The following MYO1H variants were observed in gnomAD, a reference collection of about 807,000 sequenced individuals.
MYO1H encodes myosin IH.
In MYO1H, 118 loss-of-function variants were observed where a neutral mutation model predicts 149.3. The ratio of observed to expected loss-of-function variants is 0.79; its 90% confidence interval spans 0.68 to 0.92. MYO1H has a LOEUF of 0.92. Ranked by LOEUF, MYO1H falls within the 40% of genes least tolerant of loss-of-function variation. The pLI, the probability that MYO1H is intolerant of heterozygous loss-of-function variation, is 0.00. For synonymous variants in MYO1H, 447 were observed against 465.2 expected (o/e 0.96, Z 0.50); for missense variants, 1,212 against 1,280.7 (o/e 0.95, Z 0.82).
At chr12:109,445,708 T>G in intron 31 of MYO1H, 96 bp downstream of exon 31, 1 of 1,476,568 alleles carries the variant, frequency 6.8e-7, no homozygotes. Flanking sequence ...ACTGGAATCA[T>G]AAGCTATTAA....
In MYO1H at chr12:109,349,749, A is replaced by G. The variant is rs927223784; in HGVS notation, c.12+1777A>G. On this transcript the variant is annotated intron_variant, in intron 1 of 31. Coordinates refer to ENST00000310903, the Ensembl canonical transcript of MYO1H. ...GCCGAGGCAGGCAGATCACGAGGTC[A>G]GGAGATCGAGACCATCCTGGCTAAC... is the stretch of plus-strand genomic sequence containing the variant. Among the ~76,000 whole-genome samples, 40 of 151,466 alleles carry G rather than the reference A, an allele frequency of 2.6e-4. No individual in the cohort carries two copies. The East Asian group carries it at 7.4e-3, about 28-fold the overall frequency.
chr12:109,432,901 A>T lies in MYO1H; in HGVS notation c.1954A>T (p.Lys652Ter). 6.2e-7 allele frequency: 1 copy of T among 1,613,910 alleles called. No individual in the cohort carries two copies. The highest frequency in any genetic ancestry group is 8.5e-7 in the Non-Finnish European group (1 of 1,179,788). ...CATGTCCATCTCCTCTCCTAGGTACAAGTCCTTATGCCCAGACACCTGGCC... is the reference window on the plus strand; with the variant it reads ...CATGTCCATCTCCTCTCCTAGGTACTAGTCCTTATGCCCAGACACCTGGCC... Residue 652 changes from lysine (K) to a stop codon, truncating the protein, a stop_gained, in exon 20 of 32, where the codon AAG (lysine) becomes TAG (stop). Transcript: ENST00000310903. LOFTEE classifies it high-confidence loss of function.
chr12:109,377,979 C>T (rs76924679), intron 1 of MYO1H, among the ~76,000 whole-genome samples: 1 of 152,278 alleles, frequency 6.6e-6, no homozygotes, highest in South Asian at 2.1e-4. Context: ...GTATTTATTT[C>T]TAAGTGATAC....
chr12:109,314,658 A>G, the MYO1H span, among the ~76,000 whole-genome samples: 2 of 152,152 alleles, frequency 1.3e-5, no homozygotes, highest in Non-Finnish European at 2.9e-5. Flanking sequence ...TCTCTCAAAA[A>G]GGAATACCAC....
intron 17 of MYO1H, among the ~76,000 whole-genome samples, chr12:109,425,539 T>C (rs1871322636): frequency 6.6e-6 from 1 of 152,074 alleles, no homozygotes; most frequent in Admixed American, 6.6e-5. Flanking sequence ...ACTTACAATC[T>C]AGTGGGAGAG....
At chr12:109,409,560 T>G (rs1200432117) in exon 11 of MYO1H, 1 of 1,613,534 alleles carries the variant, frequency 6.2e-7, no homozygotes, top group Non-Finnish European at 8.5e-7. Flanking sequence ...TGACCAGGAT[T>G]TCACCAGGAA....
At chr12:109,424,814 A>C in exon 17 of MYO1H, 1 of 1,613,860 alleles carries the variant, frequency 6.2e-7, no homozygotes, top group Non-Finnish European at 8.5e-7. Context: ...AGAAAACCGG[A>C]GGAGGCCCCC....
rs756536653 is a variant in MYO1H at position 109,410,789 on chromosome 12, A to C, written c.1410+21A>C. ...TTCTGGTGAGAAAAATGAATGTTGC[A>C]TTAGAGCTATTCACCCGGCACTTAC... On this transcript the variant is annotated intron_variant, in intron 13 of 31. Coordinates refer to ENST00000310903, the Ensembl canonical transcript of MYO1H. The C allele has an allele frequency of 3.5e-6, 5 of 1,431,516 alleles. No individual in the cohort carries two copies. The East Asian group carries it at 1.1e-4, about 33-fold the overall frequency. 88.7% of individuals were successfully genotyped at this position (1,431,516 alleles called of 1,614,324 possible). A position where few individuals can be genotyped will look rare whatever the true frequency, so the allele number is the denominator to read the frequency against.
intron 1 of MYO1H, among the ~76,000 whole-genome samples, chr12:109,351,226 A>AT (rs918973992): frequency 6.6e-6 from 1 of 152,104 alleles, no homozygotes; most frequent in African/African-American, 2.4e-5. Flanking sequence ...ACTATCACTG[A>AT]TTTTCACATC....
chr12:109,396,124 T>C (rs1869887952), intron 3 of MYO1H, among the ~76,000 whole-genome samples: 1 of 152,044 alleles, frequency 6.6e-6, no homozygotes, highest in South Asian at 2.1e-4. Context: ...GATTTCATCA[T>C]GTTGGCCAGG....
At chr12:109,419,349 C>A (rs1408304194) in intron 15 of MYO1H, among the ~76,000 whole-genome samples, 1 of 152,044 alleles carries the variant, frequency 6.6e-6, no homozygotes, top group African/African-American at 2.4e-5. Context: ...GATTCTCTTA[C>A]CATCTGCTCT....
intron 1 of MYO1H, among the ~76,000 whole-genome samples, chr12:109,362,254 A>T (rs1349632228): frequency 6.6e-6 from 1 of 152,232 alleles, no homozygotes; most frequent in East Asian, 1.9e-4. Flanking sequence ...GACTCCGTTA[A>T]CTGTGAGATG....
intron 6 of MYO1H, among the ~76,000 whole-genome samples, chr12:109,402,151 G>A (rs974533583): frequency 6.6e-6 from 1 of 152,158 alleles, no homozygotes; most frequent in Non-Finnish European, 1.5e-5. Context: ...AACAAGCCTA[G>A]AGTCTAGTGT....
intron 19 of MYO1H, 30 bp from the exon 20 acceptor site, chr12:109,432,867 C>T: frequency 6.3e-7 from 1 of 1,590,010 alleles, no homozygotes; most frequent in Non-Finnish European, 8.6e-7. Flanking sequence ...GGTACGGTCA[C>T]AGCTTCTCCA....
chr12:109,310,917 T>C, the MYO1H span, among the ~76,000 whole-genome samples: 1 of 152,244 alleles, frequency 6.6e-6, no homozygotes, highest in Non-Finnish European at 1.5e-5. Context: ...AAAATGTGTG[T>C]TTTGACCGGT....
intron 1 of MYO1H, among the ~76,000 whole-genome samples, chr12:109,388,271 C>T (rs1174209298): frequency 6.6e-6 from 1 of 152,120 alleles, no homozygotes; most frequent in East Asian, 1.9e-4. Flanking sequence ...CCATGGTTGT[C>T]AGGAAAGCAA....
chr12:109,437,135 G>C (rs1451896592), intron 22 of MYO1H, among the ~76,000 whole-genome samples: 1 of 151,962 alleles, frequency 6.6e-6, no homozygotes, highest in Non-Finnish European at 1.5e-5. Flanking sequence ...TTTTGAAAAA[G>C]TTTCAAACAT....
At chr12:109,322,909 C>A in the MYO1H span, among the ~76,000 whole-genome samples, 2 of 151,068 alleles carry the variant, frequency 1.3e-5, no homozygotes, top group Non-Finnish European at 2.9e-5. Context: ...GAGATCGAGA[C>A]CATCCTGGCC....
chr12:109,319,480 A>G, the MYO1H span, among the ~76,000 whole-genome samples: 1 of 152,198 alleles, frequency 6.6e-6, no homozygotes, highest in Non-Finnish European at 1.5e-5. Context: ...TCAAGATGGA[A>G]AAACTTCTGG....
Sources: allele counts gnomAD v4.1 joint callset (sites outside exome capture counted in the v4.1 genomes callset), GRCh38; gene constraint gnomAD v4.1.1; transcripts MANE v1.5; gene names NCBI Gene and HGNC (gene_info 2026-07-23, HGNC 2026-07-21).